SLCO3A1: variants seen among roughly 807,000 people sequenced by gnomAD.
The protein encoded by SLCO3A1 is PGE1 transporter.
A neutral mutation model predicts 63.1 loss-of-function variants in SLCO3A1; 27 were observed. The observed-to-expected ratio is 0.43, with a 90% CI of 0.32 to 0.59. The LOEUF (loss-of-function observed/expected upper bound fraction) is 0.59. Among genes scored for constraint, SLCO3A1 ranks in the 20% least tolerant of loss-of-function variants. SLCO3A1 has a pLI of 0.09. For missense variants in SLCO3A1, 773 were observed against 945.8 expected, an observed-to-expected ratio of 0.82 and a Z score of 2.40; for synonymous variants, 473 against 409.9, an observed-to-expected ratio of 1.15 and a Z score of -1.86.
intron 2 of SLCO3A1, among the ~76,000 whole-genome samples, chr15:91,932,692 C>A (rs1052266198): frequency 5.3e-5 from 8 of 152,330 alleles, no homozygotes; most frequent in Admixed American, 3.9e-4. Context: ...ATCTGCCTGC[C>A]TCGGCCTCCC....
chr15:91,924,079 G>A (rs1334776301), intron 2 of SLCO3A1, among the ~76,000 whole-genome samples: 2 of 152,238 alleles, frequency 1.3e-5, no homozygotes, highest in Non-Finnish European at 2.9e-5. Context: ...GAGGCCAGGA[G>A]TGTCATGCAG....
In SLCO3A1 at chr15:91,948,395, C is replaced by T. The variant is rs1899883669; in HGVS notation, c.646+31937C>T. ...GTGGCCGCATGTGTGGTGCCAGCCA[C>T]AGCATCCTATTCCTGCAGATAAGCC... On this transcript the variant is annotated intron_variant, in intron 2 of 9. Transcript: ENST00000318445. This position sits in a 1 kb window ranked among gnomAD's most constrained non-coding sequence, Gnocchi z 4.8. Among the ~76,000 whole-genome samples, 1 of 152,230 alleles carries T rather than the reference C, an allele frequency of 6.6e-6. No homozygotes were observed. The highest frequency in any genetic ancestry group is 2.1e-4 in the South Asian group (1 of 4,832).
intron 9 of SLCO3A1, among the ~76,000 whole-genome samples, chr15:92,154,673 C>CCAAGAGCAAGGAGTTGGTAGA (rs2048349404): frequency 2.6e-5 from 4 of 152,102 alleles, no homozygotes; most frequent in Admixed American, 2.6e-4. Flanking sequence ...GCTTTACCCA[C>CCAAGAGCAAGGAGTTGGTAGA]CAAGAGCAAG....
At chr15:91,910,246 A>G (rs1489124468) in intron 1 of SLCO3A1, among the ~76,000 whole-genome samples, 1 of 152,144 alleles carries the variant, frequency 6.6e-6, no homozygotes, top group African/African-American at 2.4e-5. Flanking sequence ...TCTTTGTTGC[A>G]TCCCAGGTAT....
chr15:92,058,420 C>T (rs889018705), intron 2 of SLCO3A1, among the ~76,000 whole-genome samples: 1 of 152,078 alleles, frequency 6.6e-6, no homozygotes, highest in African/African-American at 2.4e-5. Context: ...TACCCCTCAC[C>T]CATCCCCTAA....
At chr15:91,994,319 A>C (rs1195152349) in intron 2 of SLCO3A1, among the ~76,000 whole-genome samples, 1 of 152,040 alleles carries the variant, frequency 6.6e-6, no homozygotes, top group Non-Finnish European at 1.5e-5. Context: ...ACTTTTTAAA[A>C]TTTTGTCTTT....
intron 7 of SLCO3A1, among the ~76,000 whole-genome samples, chr15:92,140,038 C>G (rs1464137847): frequency 6.1e-4 from 69 of 112,944 alleles, no homozygotes; most frequent in African/African-American, 1.1e-3. Flanking sequence ...TGTGTTTGCT[C>G]TTGCTTTTCT....
At chr15:91,923,965 T>C (rs1567187922) in intron 2 of SLCO3A1, among the ~76,000 whole-genome samples, 2 of 152,240 alleles carry the variant, frequency 1.3e-5, no homozygotes, top group Non-Finnish European at 1.5e-5. Flanking sequence ...CTTGTCGACG[T>C]TGGCTGAAAA....
chr15:92,153,395 TGGAAAACC>T (rs2048332177), intron 9 of SLCO3A1: 6 of 152,218 alleles, frequency 3.9e-5, no homozygotes, highest in African/African-American at 1.4e-4. Flanking sequence ...AATTAGAGGC[TGGAAAACC>T]CTGCTCTAGA....
rs73530613 is a variant in SLCO3A1, at chr15:91,905,801, T to C, written c.181-10192T>C. 6.3e-3 allele frequency among the ~76,000 whole-genome samples: 966 copies of C among 152,304 alleles called. 14 individuals carry two copies. Among genetic ancestry groups the C allele is most frequent in the African/African-American group, 0.022 (927 of 41,564 alleles). On this transcript the variant is annotated intron_variant, in intron 1 of 9. Coordinates refer to ENST00000318445, the MANE Select transcript of SLCO3A1 (RefSeq NM_013272.4). ...AGAGTTTTAAAAATTTCATATGACCTCAGAACTCTTTTTCCTCCTTATATA... is the reference window on the plus strand; with the variant it reads ...AGAGTTTTAAAAATTTCATATGACCCCAGAACTCTTTTTCCTCCTTATATA...
intron 2 of SLCO3A1, among the ~76,000 whole-genome samples, chr15:92,037,902 T>C (rs758976456): frequency 3.3e-5 from 5 of 152,214 alleles, no homozygotes; most frequent in Admixed American, 1.3e-4. Flanking sequence ...GTCTGTGGTT[T>C]ATGACAAGGT....
chr15:91,877,976 A>G lies in SLCO3A1; in HGVS notation c.180+23888A>G, dbSNP rs377095496. On this transcript the variant is annotated intron_variant, in intron 1 of 9. Coordinates refer to ENST00000318445, the MANE Select transcript of SLCO3A1 (RefSeq NM_013272.4). ...GGACTAGAATCTCAGGGCTTTCCTT[A>G]GGTGAGGCTGCACCGGAACAGAGAG... Among the ~76,000 whole-genome samples, 3 of 151,564 alleles carry G rather than the reference A, an allele frequency of 2.0e-5. No homozygotes were observed. The East Asian group carries it at 5.9e-4, about 30-fold the overall frequency.
chr15:92,011,159 G>A (rs933290539), intron 2 of SLCO3A1, among the ~76,000 whole-genome samples: 1 of 152,182 alleles, frequency 6.6e-6, no homozygotes, highest in African/African-American at 2.4e-5. Flanking sequence ...AATGCTCCGG[G>A]CAGGGTCCTA....
In SLCO3A1 at chr15:91,950,049, A is replaced by G. The variant is rs78477931; in HGVS notation, c.646+33591A>G. Among the ~76,000 whole-genome samples, 1,209 of 152,320 alleles carry G rather than the reference A, an allele frequency of 7.9e-3. 7 individuals carry two copies. The highest frequency in any genetic ancestry group is 0.037 in the Middle Eastern group (11 of 294). On this transcript the variant is annotated intron_variant, in intron 2 of 9. Transcript: ENST00000318445. This position sits in a 1 kb window ranked among gnomAD's most constrained non-coding sequence, Gnocchi z 4.4. ...AAGAAGGCAGACTGTGATGGATTCTATACGGAAGAGATAAATGCCCTGCTG... is the reference window on the plus strand; with the variant it reads ...AAGAAGGCAGACTGTGATGGATTCTGTACGGAAGAGATAAATGCCCTGCTG...
intron 2 of SLCO3A1, among the ~76,000 whole-genome samples, chr15:92,041,741 A>G (rs894307201): frequency 7.9e-5 from 12 of 152,342 alleles, no homozygotes; most frequent in African/African-American, 2.4e-4. Context: ...TCAGAACTGT[A>G]GAGGTCCAAG....
intron 3 of SLCO3A1, among the ~76,000 whole-genome samples, chr15:92,103,281 C>G (rs1030013870): frequency 3.3e-5 from 5 of 152,130 alleles, no homozygotes; most frequent in Non-Finnish European, 7.3e-5. Flanking sequence ...ATCAAAGAGA[C>G]ATTTCTAAGC....
intron 2 of SLCO3A1, among the ~76,000 whole-genome samples, chr15:92,083,355 C>G (rs2047369230): frequency 6.6e-6 from 1 of 152,150 alleles, no homozygotes; most frequent in Non-Finnish European, 1.5e-5. Flanking sequence ...GCTAAGAAGT[C>G]AGGACTGACT....
At chr15:91,958,728 T>G (rs1327964607) in intron 2 of SLCO3A1, among the ~76,000 whole-genome samples, 1 of 152,196 alleles carries the variant, frequency 6.6e-6, no homozygotes, top group East Asian at 1.9e-4. Context: ...GATACCACCT[T>G]ACTTCTGCAA....
chr15:92,150,481 C>A (rs1386636588), intron 8 of SLCO3A1, among the ~76,000 whole-genome samples: 1 of 152,134 alleles, frequency 6.6e-6, no homozygotes, highest in Non-Finnish European at 1.5e-5. Context: ...GGTGTCTAAC[C>A]ATGCTAATCT....
Sources: allele counts gnomAD v4.1 joint callset (sites outside exome capture counted in the v4.1 genomes callset), GRCh38; gene constraint gnomAD v4.1.1; non-coding constraint Gnocchi (gnomAD v3.1); transcripts MANE v1.5; gene names NCBI Gene and HGNC (gene_info 2026-07-23, HGNC 2026-07-21).